The following SLC7A14 variants were observed in gnomAD, a reference collection of about 807,000 sequenced individuals.
The protein encoded by SLC7A14 is solute carrier family 7 member 14.
SLC7A14 carries 37 observed loss-of-function variants against 60.2 expected under a neutral mutation model. The ratio of observed to expected loss-of-function variants is 0.61; its 90% CI spans 0.47 to 0.81. The LOEUF (loss-of-function observed/expected upper bound fraction) is 0.81, where lower values mean the gene tolerates loss of function less well. SLC7A14 is among the 30% of genes least tolerant of loss of function. The pLI is 0.00. For missense variants in SLC7A14, 886 were observed against 982.7 expected (o/e 0.90, Z 1.32); for synonymous variants, 399 against 395.8 (o/e 1.01, Z -0.10).
At chr3:170,550,512 ATTTTTTTT>A (rs369436642) in intron 1 of SLC7A14, among the ~76,000 whole-genome samples, 637 of 60,660 alleles carry the variant, frequency 0.011, 26 homozygotes, top group African/African-American at 0.053. Context: ...CTTTCCTTGA[ATTTTTTTT>A]TTTTTTTTTT....
intron 2 of SLC7A14, among the ~76,000 whole-genome samples, chr3:170,507,107 C>G (rs1339473457): frequency 6.6e-6 from 1 of 152,172 alleles, no homozygotes; most frequent in African/African-American, 2.4e-5. Context: ...AATTACTCTA[C>G]CCAGATAGAC....
At chr3:170,548,465 A>C (rs1477981166) in intron 1 of SLC7A14, among the ~76,000 whole-genome samples, 2 of 152,200 alleles carry the variant, frequency 1.3e-5, no homozygotes, top group African/African-American at 4.8e-5. Flanking sequence ...CCTGTGCTGC[A>C]GTTGGTTTGC....
At chr3:170,544,585 C>G (rs1194867005) in intron 1 of SLC7A14, among the ~76,000 whole-genome samples, 1 of 152,026 alleles carries the variant, frequency 6.6e-6, no homozygotes, top group Admixed American at 6.5e-5. Flanking sequence ...TTAAAATGTC[C>G]CAAGTTGAAA....
intron 1 of SLC7A14, among the ~76,000 whole-genome samples, chr3:170,584,957 G>C (rs1331609980): frequency 6.6e-6 from 1 of 152,168 alleles, no homozygotes; most frequent in Admixed American, 6.5e-5. Context: ...AGGAGTGCCA[G>C]AACAGGAGCG....
At position 170,527,081 on chromosome 3, in the gene SLC7A14, A is replaced by G; in HGVS notation, c.-145T>C. The G allele has an allele frequency of 1.2e-6, 1 of 813,682 alleles. No homozygotes were observed. Among genetic ancestry groups the G allele is most frequent in the Non-Finnish European group, 1.9e-6 (1 of 531,692 alleles). The allele number at this position is 813,682 out of a possible 1,614,324, so 50.4% of individuals were successfully genotyped here. ...GACCCAGTGCAGCCTTCTCCTGGGC[A>G]TGAATGTCTGCAGGAAAAACACAAG... On this transcript the variant is annotated 5_prime_UTR_variant, in exon 2 of 8. It removes an upstream start codon present in the reference 5' UTR. Coordinates refer to ENST00000231706, the MANE Select transcript of SLC7A14 (RefSeq NM_020949.3).
rs1175074132 is a variant in SLC7A14 at position 170,570,481 on chromosome 3, A to C, written c.-153+15430T>G. The C allele has an allele frequency of 2.0e-5, 3 of 151,920 alleles. No individual in the cohort carries two copies. In the East Asian group the frequency reaches 5.8e-4, roughly 29 times the overall value. 9.4% of individuals were successfully genotyped at this position (151,920 alleles called of 1,614,324 possible). A position where few individuals can be genotyped will look rare whatever the true frequency, so the allele number is the denominator to read the frequency against. On this transcript the variant is annotated intron_variant, in intron 1 of 7. Coordinates refer to ENST00000231706, the MANE Select transcript of SLC7A14 (RefSeq NM_020949.3). ...AAAATAAAATAAAATAAAATAAAAT[A>C]AAATAAAAAGAGGGTCCAAATAGTT...
chr3:170,546,456 A>G (rs566077660), intron 1 of SLC7A14, among the ~76,000 whole-genome samples: 1 of 152,286 alleles, frequency 6.6e-6, no homozygotes, highest in East Asian at 1.9e-4. Context: ...TGGTACTTAA[A>G]CTATCCAGAA....
intron 1 of SLC7A14, among the ~76,000 whole-genome samples, chr3:170,527,694 C>T (rs1377629931): frequency 6.6e-6 from 1 of 151,914 alleles, no homozygotes; most frequent in Non-Finnish European, 1.5e-5. Context: ...ATTTTTTTTA[C>T]TCTCAAACAT....
intron 2 of SLC7A14, among the ~76,000 whole-genome samples, chr3:170,524,708 A>G (rs928476579): frequency 2.0e-5 from 3 of 152,226 alleles, no homozygotes; most frequent in African/African-American, 7.2e-5. Context: ...GGTAATTGCT[A>G]TCACATTAAT....
chr3:170,540,061 G>C lies in SLC7A14; in HGVS notation c.-152-12973C>G, dbSNP rs555126583. 2.2e-4 allele frequency among the ~76,000 whole-genome samples: 33 copies of C among 152,220 alleles called. No individual in the cohort carries two copies. In the South Asian group the frequency reaches 5.8e-3, roughly 27 times the overall value. On this transcript the variant is annotated intron_variant, in intron 1 of 7. Transcript: ENST00000231706. ...CCACCAAGTGACTAAGTGGCGGGGTGGGGGGTAGTACAGAGTGTGGATACC... is the reference window on the plus strand; with the variant it reads ...CCACCAAGTGACTAAGTGGCGGGGTCGGGGGTAGTACAGAGTGTGGATACC...
intron 1 of SLC7A14, among the ~76,000 whole-genome samples, chr3:170,527,440 G>A (rs979245689): frequency 7.2e-5 from 11 of 152,158 alleles, no homozygotes; most frequent in Non-Finnish European, 4.4e-5. Flanking sequence ...GATGAGTGAC[G>A]TCCATAAGGA....
At position 170,498,827 on chromosome 3, in the gene SLC7A14, G is replaced by A. The variant is rs1016960502; in HGVS notation, c.599C>T (p.Thr200Ile). Reference protein sequence around the residue: ...LLALLIAVIVTIIVALGVKNS... With the variant: ...LLALLIAVIVIIIVALGVKNS... ...CTTCACCCCCAGAGCAACAATGATG[G>A]TCACGATGACCGCGATCAACAGAGC... is the stretch of plus-strand genomic sequence containing the variant. The change falls in exon 4 of 8, where the codon ACC (threonine) becomes ATC (isoleucine). Residue 200 changes from threonine to isoleucine, a missense_variant. Physicochemically the swap from Thr to Ile is moderately conservative, Grantham distance 89. Coordinates refer to ENST00000231706, the MANE Select transcript of SLC7A14 (RefSeq NM_020949.3). 6.2e-7 allele frequency: 1 copy of A among 1,614,060 alleles called. No individual in the cohort carries two copies. Among genetic ancestry groups the A allele is most frequent in the Non-Finnish European group, 8.5e-7 (1 of 1,180,050 alleles).
intron 1 of SLC7A14, among the ~76,000 whole-genome samples, chr3:170,582,103 C>A (rs1049999702): frequency 1.3e-5 from 2 of 152,122 alleles, no homozygotes; most frequent in African/African-American, 2.4e-5. Context: ...GCTACCAGCT[C>A]CTTAAGTAAG....
In SLC7A14 at chr3:170,483,391, C is replaced by A; in HGVS notation, c.1038G>T (p.Leu346=). The change falls in exon 6 of 8, where the codon CTG becomes CTT. Residue 346 remains leucine, a synonymous_variant. Transcript: ENST00000231706. ...FVVAIGSVAG[L]TVSLLGSLFP... is the part of the protein sequence containing the mutation. ...AGAGGGACCCCAGCAAGCTGACTGT[C>A]AGTCCTGCAACCGACCCAATGGCCA... 6.2e-7 allele frequency: 1 copy of A among 1,614,216 alleles called. No individual in the cohort carries two copies. The highest frequency in any genetic ancestry group is 8.5e-7 in the Non-Finnish European group (1 of 1,180,040).
rs965072711 is a variant in SLC7A14 at position 170,465,332 on chromosome 3, C to T, written c.*1723G>A. On this transcript the variant is annotated 3_prime_UTR_variant, in exon 8 of 8. Coordinates refer to ENST00000231706, the MANE Select transcript of SLC7A14 (RefSeq NM_020949.3). ...AGACTTGTCAAGTTTGTTGTTTTAT[C>T]TGCATTTACCAGGCTCCAGTGCTGC... 2.6e-5 allele frequency: 4 copies of T among 152,248 alleles called. No individual in the cohort carries two copies. The highest frequency in any genetic ancestry group is 7.2e-5 in the African/African-American group (3 of 41,462). 9.4% of individuals were successfully genotyped at this position (152,248 alleles called of 1,614,324 possible). A position where few individuals can be genotyped will look rare whatever the true frequency, so the allele number is the denominator to read the frequency against.
Position 170,543,804 on chromosome 3 carries a change from C to T in SLC7A14, c.-152-16716G>A, listed in dbSNP as rs1332851870. Among the ~76,000 whole-genome samples the T allele has an allele frequency of 2.1e-5, 3 of 145,000 alleles. No individual in the cohort carries two copies. The East Asian group carries it at 6.2e-4, about 30-fold the overall frequency. ...TTGCTCTGTTGCCCAGGCTGGAGTGCAGTGGTGTGATCTCTGCTCACCACA... is the reference window on the plus strand; with the variant it reads ...TTGCTCTGTTGCCCAGGCTGGAGTGTAGTGGTGTGATCTCTGCTCACCACA... On this transcript the variant is annotated intron_variant, in intron 1 of 7. Transcript: ENST00000231706.
chr3:170,547,288 A>T (rs927249875), intron 1 of SLC7A14, among the ~76,000 whole-genome samples: 2 of 152,232 alleles, frequency 1.3e-5, no homozygotes, highest in Admixed American at 1.3e-4. Context: ...TAAACAAAAA[A>T]TATATACCAA....
intron 1 of SLC7A14, among the ~76,000 whole-genome samples, chr3:170,572,037 G>C (rs1714968980): frequency 1.4e-5 from 2 of 146,324 alleles, no homozygotes; most frequent in Admixed American, 1.4e-4. Flanking sequence ...CTTCAGCCTG[G>C]GCAATAGAGG....
intron 2 of SLC7A14, among the ~76,000 whole-genome samples, chr3:170,502,505 G>A (rs536552424): frequency 2.0e-5 from 3 of 152,244 alleles, no homozygotes; most frequent in African/African-American, 7.2e-5. Context: ...CAGTGGGTGG[G>A]GCAACGAGTT....
Sources: gnomAD v4.1 joint callset for allele counts (sites outside exome capture counted in the v4.1 genomes callset) on GRCh38, gnomAD v4.1.1 for gene constraint, MANE v1.5 for transcripts, NCBI Gene and HGNC (gene_info 2026-07-23, HGNC 2026-07-21) for gene names.